VPS39: variants seen among roughly 807,000 people sequenced by gnomAD.
The protein encoded by VPS39 is vam6/Vps39-like protein.
A neutral mutation model predicts 121.0 loss-of-function variants in VPS39; 70 were observed. The ratio of observed to expected loss-of-function variants is 0.58; its 90% CI spans 0.48 to 0.71. The LOEUF (loss-of-function observed/expected upper bound fraction) is 0.71. VPS39 is among the 30% of genes least tolerant of loss of function. VPS39 has a pLI of 0.00. For synonymous variants in VPS39, 378 were observed against 398.1 expected, an observed-to-expected ratio of 0.95 and a Z score of 0.60; for missense variants, 818 against 1,051.5, an observed-to-expected ratio of 0.78 and a Z score of 3.07.
Position 42,165,118 on chromosome 15 carries a change from G to C in VPS39, c.1780-5C>G. The C allele has an allele frequency of 6.2e-7, 1 of 1,613,916 alleles. No individual in the cohort carries two copies. Among genetic ancestry groups the C allele is most frequent in the Non-Finnish European group, 8.5e-7 (1 of 1,179,800 alleles). ...CCAAACATGGATGATGTGTTCCTGA[G>C]GCAAGATGTAGGTCTTTGTCACTGG... On this transcript the variant is annotated splice_region_variant and splice_polypyrimidine_tract_variant and intron_variant, in intron 17 of 24. Coordinates refer to ENST00000318006, the MANE Select transcript of VPS39 (RefSeq NM_015289.5).
At chr15:42,191,035 G>C in intron 4 of VPS39, 90 bp downstream of exon 4, 1 of 1,465,790 alleles carries the variant, frequency 6.8e-7, no homozygotes, top group Non-Finnish European at 9.5e-7. Context: ...TCATTGTTAA[G>C]TAACCACTAT....
intron 5 of VPS39, 38 bp from the exon 6 acceptor site, chr15:42,187,894 A>G (rs1365633847): frequency 4.5e-6 from 7 of 1,559,292 alleles, no homozygotes; most frequent in Non-Finnish European, 6.2e-6. Context: ...AAATACAATG[A>G]CTCTCTCTAA....
chr15:42,177,633 T>A (rs1242576953), intron 10 of VPS39, among the ~76,000 whole-genome samples: 2 of 152,136 alleles, frequency 1.3e-5, no homozygotes, highest in Admixed American at 6.6e-5. Context: ...TTCATGACCA[T>A]ACAATATATT....
At chr15:42,200,553 T>G (rs1194033919) in intron 1 of VPS39, among the ~76,000 whole-genome samples, 1 of 152,186 alleles carries the variant, frequency 6.6e-6, no homozygotes, top group African/African-American at 2.4e-5. Context: ...AAATATTTAA[T>G]AACAAGTGTT....
intron 12 of VPS39, 29 bp downstream of exon 12, chr15:42,169,695 C>T: frequency 6.4e-7 from 1 of 1,561,716 alleles, no homozygotes; most frequent in Non-Finnish European, 8.7e-7. Flanking sequence ...CCCAGGCAAA[C>T]TCTTTCACGC....
intron 19 of VPS39, 114 bp downstream of exon 19, chr15:42,164,244 G>T: frequency 2.0e-6 from 3 of 1,470,498 alleles, no homozygotes; most frequent in Non-Finnish European, 2.8e-6. Context: ...GGCCTGAAAT[G>T]CCTGGTTTTT....
intron 8 of VPS39, among the ~76,000 whole-genome samples, chr15:42,179,577 AT>A (rs2049533412): frequency 1.6e-4 from 1 of 6,212 alleles, no homozygotes; most frequent in African/African-American, 4.4e-4. Flanking sequence ...CTCCATCTCA[AT>A]AAATAAATAA....
In VPS39 at chr15:42,169,824, G is replaced by A. The variant is rs1461158485; in HGVS notation, c.1133C>T (p.Thr378Ile). 4 of 1,613,996 alleles carry A rather than the reference G, an allele frequency of 2.5e-6. No individual in the cohort carries two copies. The highest frequency in any genetic ancestry group is 2.2e-5 in the East Asian group (1 of 44,900). The change falls in exon 12 of 25, where the codon ACA becomes ATA. Residue 378 changes from threonine (T) to isoleucine (I), a missense_variant. Transcript: ENST00000318006. ...VMGLYPDLLP[T>I]DYRKQLQYPN... is the part of the protein sequence containing the mutation. Reference sequence around the variant, plus strand: ...ATACTGCAACTGCTTTCTGTAGTCTGTGGGCAGCAGGTCAGGGTACAGGCC... The same window carrying A: ...ATACTGCAACTGCTTTCTGTAGTCTATGGGCAGCAGGTCAGGGTACAGGCC...
At chr15:42,173,552 T>C in intron 11 of VPS39, 171 bp downstream of exon 11, 1 of 733,924 alleles carries the variant, frequency 1.4e-6, no homozygotes, top group Non-Finnish European at 2.1e-6. Context: ...GGATTAGGAG[T>C]ATAGATATGT....
At chr15:42,176,890 T>C (rs1486467522) in intron 10 of VPS39, among the ~76,000 whole-genome samples, 1 of 152,116 alleles carries the variant, frequency 6.6e-6, no homozygotes, top group Non-Finnish European at 1.5e-5. Flanking sequence ...AGGCTGGGCA[T>C]AGTAGTTCAC....
At chr15:42,200,897 G>A (rs1302549942) in intron 1 of VPS39, among the ~76,000 whole-genome samples, 1 of 152,162 alleles carries the variant, frequency 6.6e-6, no homozygotes, top group African/African-American at 2.4e-5. Flanking sequence ...ATGGATATAT[G>A]CTACAACACA....
chr15:42,185,471 C>A (rs1055859630), intron 7 of VPS39, among the ~76,000 whole-genome samples: 1 of 152,160 alleles, frequency 6.6e-6, no homozygotes, highest in Non-Finnish European at 1.5e-5. Context: ...GTGTGAGCCA[C>A]CGCGCCTGGC....
chr15:42,175,127 C>T (rs1179739266), intron 10 of VPS39, among the ~76,000 whole-genome samples: 1 of 151,868 alleles, frequency 6.6e-6, no homozygotes, highest in East Asian at 1.9e-4. Context: ...GAAAAACATC[C>T]GATGGGCCGG....
Position 42,173,595 on chromosome 15 carries a change from G to C in VPS39, c.1090+128C>G, listed in dbSNP as rs975306922. On this transcript the variant is annotated intron_variant, in intron 11 of 24. Transcript: ENST00000318006. Reference sequence around the variant, plus strand: ...GTGGTCACCCCACAGGATCTTGCTAGGTATGAGGATCAATTTAGCTGAGCC... The same window carrying C: ...GTGGTCACCCCACAGGATCTTGCTACGTATGAGGATCAATTTAGCTGAGCC... The C allele has an allele frequency of 1.1e-5, 14 of 1,235,956 alleles. No individual in the cohort carries two copies. The Admixed American group carries it at 2.9e-4, about 26-fold the overall frequency. 76.6% of individuals were successfully genotyped at this position (1,235,956 alleles called of 1,614,324 possible).
intron 1 of VPS39, among the ~76,000 whole-genome samples, chr15:42,201,664 C>T (rs1469553104): frequency 6.6e-6 from 1 of 152,124 alleles, no homozygotes; most frequent in African/African-American, 2.4e-5. Context: ...GCTGGTGGTT[C>T]AAGGACCACA....
intron 8 of VPS39, among the ~76,000 whole-genome samples, chr15:42,183,912 G>C (rs545063674): frequency 6.6e-6 from 1 of 152,086 alleles, no homozygotes; most frequent in Non-Finnish European, 1.5e-5. Flanking sequence ...AAATAAAATG[G>C]GGCAAGAGTG....
At chr15:42,193,522 T>C (rs969562367) in intron 2 of VPS39, among the ~76,000 whole-genome samples, 2 of 152,310 alleles carry the variant, frequency 1.3e-5, no homozygotes, top group East Asian at 1.9e-4. Context: ...TAAAAAAACA[T>C]TGGTCTACCT....
intron 15 of VPS39, 115 bp from the exon 16 acceptor site, chr15:42,166,347 T>C: frequency 8.2e-7 from 1 of 1,226,744 alleles, no homozygotes; most frequent in Non-Finnish European, 1.2e-6. Flanking sequence ...AGCTCAAGCA[T>C]GAGCCACTTG....
At chr15:42,169,122 T>C (rs981731679) in intron 12 of VPS39, among the ~76,000 whole-genome samples, 25 of 152,246 alleles carry the variant, frequency 1.6e-4, no homozygotes, top group Admixed American at 1.6e-3. Context: ...TATAAGGACA[T>C]TTATTGATAA....
Sources: gnomAD v4.1 joint callset for allele counts (sites outside exome capture counted in the v4.1 genomes callset) on GRCh38, gnomAD v4.1.1 for gene constraint, MANE v1.5 for transcripts, NCBI Gene and HGNC (gene_info 2026-07-23, HGNC 2026-07-21) for gene names.